Variants in SZT2 observed in about 807,000 individuals in gnomAD.
SZT2 encodes the protein SZT2 subunit of KICSTOR complex, also known as KICSTOR complex protein SZT2.
In SZT2, 216 loss-of-function variants were observed where a neutral mutation model predicts 404.2. That is an observed-to-expected ratio of 0.53 (90% CI 0.48 to 0.60). SZT2 has a LOEUF of 0.60. SZT2 is among the 20% of genes least tolerant of loss of function. The pLI, the probability that SZT2 is intolerant of heterozygous loss-of-function variation, is 0.00. For synonymous variants in SZT2, 1,693 were observed against 1,749.9 expected (o/e 0.97, Z 0.81); for missense variants, 3,857 against 4,459.2 (o/e 0.86, Z 3.85).
rs770860021 is a variant in SZT2 at position 43,451,908 on chromosome 1, G to C, written c.*1428G>C. The C allele has an allele frequency of 2.5e-6, 4 of 1,613,310 alleles. No individual in the cohort carries two copies. The highest frequency in any genetic ancestry group is 2.7e-5 in the African/African-American group (2 of 74,914). ...AAGAGCACAGGAATCAAAAGGGACA[G>C]AAGGAGAGACAGGGCTGGGGTCGTA... On this transcript the variant is annotated 3_prime_UTR_variant, in exon 72 of 72. Coordinates refer to ENST00000634258, the MANE Select transcript of SZT2 (RefSeq NM_001365999.1).
chr1:43,438,707 A>G lies in SZT2; in HGVS notation c.6517A>G (p.Ile2173Val), dbSNP rs200698092. The change falls in exon 47 of 72, where the codon ATC becomes GTC. Residue 2173 changes from isoleucine (I) to valine (V), a missense_variant. Ile to Val is a conservative substitution (Grantham distance 29, BLOSUM62 3). This residue lies in a region of SZT2 where 261 missense variants were observed against 372.9 expected (regional missense o/e 0.70). Transcript: ENST00000634258. ...VHGVGQAGPE[I>V]TDELVRVLCR... ...ACCATGGCTGTGTCAAGGTCCTGAG[A>G]TCACGGATGAGCTCGTGCGAGTTCT... The G allele has an allele frequency of 5.6e-6, 9 of 1,614,012 alleles. No homozygotes were observed. Among genetic ancestry groups the G allele is most frequent in the South Asian group, 1.1e-5 (1 of 91,054 alleles).
intron 2 of SZT2, 42 bp downstream of exon 2, chr1:43,403,344 A>T: frequency 6.3e-7 from 1 of 1,592,854 alleles, no homozygotes; most frequent in Non-Finnish European, 8.5e-7. Flanking sequence ...GCCAGCCCAG[A>T]AGGATCTGTT....
chr1:43,392,310 G>A (rs1648483756), intron 1 of SZT2, among the ~76,000 whole-genome samples: 1 of 151,822 alleles, frequency 6.6e-6, no homozygotes, highest in Non-Finnish European at 1.5e-5. Context: ...CATTGTAAGT[G>A]CTCAGTAGCC....
At chr1:43,447,500 T>C in intron 66 of SZT2, 45 bp from the exon 67 acceptor site, 3 of 1,593,182 alleles carry the variant, frequency 1.9e-6, no homozygotes, top group Non-Finnish European at 2.6e-6. Context: ...CCAGTGTGTC[T>C]GTCCTAGGCT....
chr1:43,444,771 T>C (rs1178444197), intron 62 of SZT2, among the ~76,000 whole-genome samples: 1 of 152,190 alleles, frequency 6.6e-6, no homozygotes, highest in Non-Finnish European at 1.5e-5. Context: ...TCTCTGCCCT[T>C]TCCCAGTGGC....
At position 43,446,362 on chromosome 1, in the gene SZT2, A is replaced by C. The variant is rs1033755587; in HGVS notation, c.9018A>C (p.Lys3006Asn). The C allele has an allele frequency of 2.5e-6, 4 of 1,614,192 alleles. No homozygotes were observed. The highest frequency in any genetic ancestry group is 3.4e-6 in the Non-Finnish European group (4 of 1,180,036). ...TCCAGGGCTGTTACTTCTGTGTCAAACAGTTTGCCCTGGAATGTTCCCGAA... is the reference window on the plus strand; with the variant it reads ...TCCAGGGCTGTTACTTCTGTGTCAACCAGTTTGCCCTGGAATGTTCCCGAA... ...LAFQGCYFCV[K>N]QFALECSRIP... The change falls in exon 65 of 72, where the codon AAA becomes AAC. Residue 3006 changes from lysine to asparagine, a missense_variant. By Grantham distance (94) the Lys-to-Asn change is moderately conservative. This residue lies in a region of SZT2 where 717 missense variants were observed against 868.2 expected (regional missense o/e 0.83). Transcript: ENST00000634258.
chr1:43,398,304 G>A (rs751806261), intron 1 of SZT2, among the ~76,000 whole-genome samples: 3 of 152,132 alleles, frequency 2.0e-5, no homozygotes, highest in South Asian at 2.1e-4. Context: ...AAACCATAGC[G>A]AATTCACTTA....
chr1:43,416,957 C>T (rs1651789132), intron 7 of SZT2, among the ~76,000 whole-genome samples: 1 of 152,168 alleles, frequency 6.6e-6, no homozygotes, highest in African/African-American at 2.4e-5. Context: ...GAAAACCCCG[C>T]TCAAACTAGC....
chr1:43,417,654 G>A (rs1651865852), intron 7 of SZT2, among the ~76,000 whole-genome samples: 2 of 152,156 alleles, frequency 1.3e-5, no homozygotes, highest in African/African-American at 4.8e-5. Flanking sequence ...CTCACTGGGA[G>A]GTGAGATGCA....
chr1:43,452,069 A>T lies in SZT2; in HGVS notation c.*1589A>T. ...CTCCTTCCCAAGTTTGTCCCCCATC[A>T]GTCAGTCACTGGTCAAGGCCCTCAC... On this transcript the variant is annotated 3_prime_UTR_variant, in exon 72 of 72. Coordinates refer to ENST00000634258, the MANE Select transcript of SZT2 (RefSeq NM_001365999.1). 6.4e-7 allele frequency: 1 copy of T among 1,558,630 alleles called. No homozygotes were observed. The highest frequency in any genetic ancestry group is 1.7e-4 in the Middle Eastern group (1 of 5,852).
intron 30 of SZT2, 23 bp from the exon 31 acceptor site, chr1:43,430,288 T>C (rs770651498): frequency 1.2e-6 from 2 of 1,613,392 alleles, no homozygotes; most frequent in Non-Finnish European, 8.5e-7. Context: ...TGCCTCATCA[T>C]CTTGCTTCAT....
Position 43,419,857 on chromosome 1 carries a change from A to G in SZT2, c.1003A>G (p.Asn335Asp), listed in dbSNP as rs577842594. 1 of 1,598,450 alleles carries G rather than the reference A, an allele frequency of 6.3e-7. No homozygotes were observed. The highest frequency in any genetic ancestry group is 8.5e-7 in the Non-Finnish European group (1 of 1,179,810). ...CACTTGTCCTGAGCCGGAGCCAGGC[A>G]ACCTGGGTCTGACTGTCTACCACCG... ...LSTCPEPEPG[N>D]LGLTVYHRAF... Residue 335 changes from asparagine to aspartate, a missense_variant, in exon 8 of 72, where the codon AAC (asparagine) becomes GAC (aspartate). Asn to Asp is a conservative substitution (Grantham distance 23, BLOSUM62 1). Transcript: ENST00000634258.
chr1:43,450,221 C>T lies in SZT2; in HGVS notation c.10155+50C>T. The T allele has an allele frequency of 6.2e-7, 1 of 1,613,910 alleles. No homozygotes were observed. Among genetic ancestry groups the T allele is most frequent in the Non-Finnish European group, 8.5e-7 (1 of 1,179,794 alleles). ...GTCAGCCTCATGGGAGGCCGTACCCCAAATGCTCCACCTCGGAGCCTGCTG... is the reference window on the plus strand; with the variant it reads ...GTCAGCCTCATGGGAGGCCGTACCCTAAATGCTCCACCTCGGAGCCTGCTG... On this transcript the variant is annotated intron_variant, in intron 71 of 71. Transcript: ENST00000634258. This position sits in a 1 kb window ranked among gnomAD's most constrained non-coding sequence, Gnocchi z 4.3.
At chr1:43,427,208 C>T (rs761150335) in intron 24 of SZT2, 29 bp downstream of exon 24, 1 of 1,611,288 alleles carries the variant, frequency 6.2e-7, no homozygotes, top group Non-Finnish European at 8.5e-7. Context: ...CTCACGAACC[C>T]CCTCAGATAC....
Position 43,416,067 on chromosome 1 carries a change from G to C in SZT2, c.738G>C (p.Leu246Phe). 6.3e-7 allele frequency: 1 copy of C among 1,598,372 alleles called. No individual in the cohort carries two copies. Among genetic ancestry groups the C allele is most frequent in the Non-Finnish European group, 8.5e-7 (1 of 1,179,808 alleles). Reference sequence around the variant, plus strand: ...TCAGTATGATTCGTCAGGGCATCTTGGCACTGCAGTTACTACCCTCGAACT... The same window carrying C: ...TCAGTATGATTCGTCAGGGCATCTTCGCACTGCAGTTACTACCCTCGAACT... ...GLVSMIRQGI[L>F]ALQLLPSNSS... Residue 246 changes from leucine to phenylalanine, a missense_variant, in exon 6 of 72, where the codon TTG becomes TTC. Transcript: ENST00000634258.
Position 43,452,279 on chromosome 1 carries a change from G to C in SZT2, c.*1799G>C, listed in dbSNP as rs761894952. 1.9e-6 allele frequency: 3 copies of C among 1,614,038 alleles called. No individual in the cohort carries two copies. Among genetic ancestry groups the C allele is most frequent in the Admixed American group, 3.3e-5 (2 of 60,010 alleles). On this transcript the variant is annotated 3_prime_UTR_variant, in exon 72 of 72. Transcript: ENST00000634258. ...TCCATCTCAGCCTTGACTGCTATTC[G>C]ATCAGCTCCCTGGGGTACTCGGCCA...
Position 43,441,537 on chromosome 1 carries a change from G to A in SZT2, c.7545G>A (p.Val2515=), listed in dbSNP as rs1364723246. 2.5e-6 allele frequency: 4 copies of A among 1,614,010 alleles called. No individual in the cohort carries two copies. Among genetic ancestry groups the A allele is most frequent in the Admixed American group, 3.3e-5 (2 of 60,000 alleles). Residue 2515 remains valine, a synonymous_variant, in exon 54 of 72, where the codon GTG becomes GTA. Coordinates refer to ENST00000634258, the MANE Select transcript of SZT2 (RefSeq NM_001365999.1). The surrounding 1 kb of genome is among the most constrained non-coding windows in gnomAD (Gnocchi z 4.8). ...RRTTQLEEGE[V]GTLHPVFARV... ...CAACACAGCTAGAAGAGGGTGAGGT[G>A]GGGACCCTTCATCCTGTGTTTGCCC...
rs1656047053 is a variant in SZT2 at position 43,448,993 on chromosome 1, C to A, written c.10086+265C>A. Reference sequence around the variant, plus strand: ...GGGCCAGGCTCTGGAACTGACAACCCAAGGAGCTGTCAGAACTTTGTCAGT... The same window carrying A: ...GGGCCAGGCTCTGGAACTGACAACCAAAGGAGCTGTCAGAACTTTGTCAGT... On this transcript the variant is annotated intron_variant, in intron 70 of 71. Coordinates refer to ENST00000634258, the MANE Select transcript of SZT2 (RefSeq NM_001365999.1). This position sits in a 1 kb window ranked among gnomAD's most constrained non-coding sequence, Gnocchi z 4.2. 1 of 444,790 alleles carries A rather than the reference C, an allele frequency of 2.2e-6. No homozygotes were observed. The highest frequency in any genetic ancestry group is 3.1e-5 in the South Asian group (1 of 32,702). 27.6% of individuals were successfully genotyped at this position (444,790 alleles called of 1,614,324 possible). A position where few individuals can be genotyped will look rare whatever the true frequency, so the allele number is the denominator to read the frequency against.
In SZT2 at chr1:43,452,058, T is replaced by G; in HGVS notation, c.*1578T>G. 3 of 1,573,708 alleles carry G rather than the reference T, an allele frequency of 1.9e-6. No homozygotes were observed. The highest frequency in any genetic ancestry group is 2.6e-6 in the Non-Finnish European group (3 of 1,152,382). ...TGTGAATAGAGCTCCTTCCCAAGTTTGTCCCCCATCAGTCAGTCACTGGTC... is the reference window on the plus strand; with the variant it reads ...TGTGAATAGAGCTCCTTCCCAAGTTGGTCCCCCATCAGTCAGTCACTGGTC... On this transcript the variant is annotated 3_prime_UTR_variant, in exon 72 of 72. Transcript: ENST00000634258.
Sources: gnomAD v4.1 joint callset for allele counts (sites outside exome capture counted in the v4.1 genomes callset) on GRCh38, gnomAD v4.1.1 for gene constraint, gnomAD v4.1.1 regional missense constraint, Gnocchi (gnomAD v3.1) non-coding constraint, MANE v1.5 for transcripts, NCBI Gene and HGNC (gene_info 2026-07-23, HGNC 2026-07-21) for gene names.